Variants in P3H2 observed in about 807,000 individuals in gnomAD.
P3H2 encodes the protein prolyl 3-hydroxylase 2.
In P3H2, 80 loss-of-function variants were observed where a neutral mutation model predicts 87.0. The ratio of observed to expected loss-of-function variants is 0.92; its 90% CI spans 0.77 to 1.11. The LOEUF (loss-of-function observed/expected upper bound fraction) is 1.11. P3H2 is among the 50% of genes least tolerant of loss of function. The pLI, the probability that P3H2 is intolerant of heterozygous loss-of-function variation, is 0.00. For synonymous variants in P3H2, 367 were observed against 359.3 expected, an observed-to-expected ratio of 1.02 and a Z score of -0.24; for missense variants, 1,001 against 923.9, an observed-to-expected ratio of 1.08 and a Z score of -1.08.
Position 189,957,700 on chromosome 3 carries a change from A to AGAGAGAGAG in P3H2, c.*211_*212insCTCTCTCTC. On this transcript the variant is annotated 3_prime_UTR_variant, in exon 15 of 15. Transcript: ENST00000319332. ...AACATGGTTAGACCATGTCTCTAAG[A>AGAGAGAGAG]AGAGAGAGAGAGAGAGAGAGAGAGA... The AGAGAGAGAG allele has an allele frequency of 3.7e-6, 2 of 542,194 alleles. No homozygotes were observed. Among genetic ancestry groups the AGAGAGAGAG allele is most frequent in the Non-Finnish European group, 6.6e-6 (2 of 305,306 alleles). The allele number at this position is 542,194 out of a possible 1,614,324, so 33.6% of individuals were successfully genotyped here.
chr3:189,957,474 T>G lies in P3H2; in HGVS notation c.*438A>C. The stretch of plus-strand genomic sequence containing the variant: ...GTGTGTGTGTGTGTGTGTGTGTGTG[T>G]GTGTGTTTGGGGGAGGAGGTGAACT... On this transcript the variant is annotated 3_prime_UTR_variant, in exon 15 of 15. Transcript: ENST00000319332. The G allele has an allele frequency of 9.6e-6, 3 of 312,988 alleles. No individual in the cohort carries two copies. The highest frequency in any genetic ancestry group is 5.2e-5 in the East Asian group (1 of 19,364). The allele number at this position is 312,988 out of a possible 1,614,324, so 19.4% of individuals were successfully genotyped here.
chr3:190,003,600 G>C (rs1235553715), intron 1 of P3H2, among the ~76,000 whole-genome samples: 3 of 152,142 alleles, frequency 2.0e-5, no homozygotes, highest in Non-Finnish European at 4.4e-5. Flanking sequence ...TTCCTACCAA[G>C]GGAACAGCCA....
intron 1 of P3H2, among the ~76,000 whole-genome samples, chr3:190,044,519 T>G (rs1311175963): frequency 6.6e-6 from 1 of 152,330 alleles, no homozygotes; most frequent in South Asian, 2.1e-4. Context: ...CATTGATATA[T>G]GCTGTTCCAC....
intron 1 of P3H2, among the ~76,000 whole-genome samples, chr3:190,023,266 G>A (rs1222268848): frequency 6.6e-6 from 1 of 152,206 alleles, no homozygotes. Context: ...TTTGGGAATG[G>A]AGGTAAAGTA....
intron 14 of P3H2, among the ~76,000 whole-genome samples, chr3:189,961,676 T>C (rs767703269): frequency 2.6e-5 from 4 of 152,192 alleles, no homozygotes; most frequent in African/African-American, 4.8e-5. Context: ...ATTCACAGCC[T>C]GGGCTAATTT....
At chr3:190,108,932 C>T (rs1190755605) in intron 1 of P3H2, among the ~76,000 whole-genome samples, 1 of 152,182 alleles carries the variant, frequency 6.6e-6, no homozygotes, top group African/African-American at 2.4e-5. Flanking sequence ...GAATTACTTC[C>T]TTCTCTTTCC....
upstream of P3H2, among the ~76,000 whole-genome samples, chr3:190,121,986 G>A (rs992099637): frequency 6.6e-6 from 1 of 151,428 alleles, no homozygotes; most frequent in Non-Finnish European, 1.5e-5. Context: ...CAGCTACTCA[G>A]GAGGCTGAGG....
intron 1 of P3H2, among the ~76,000 whole-genome samples, chr3:190,015,962 G>A (rs987529044): frequency 2.0e-5 from 3 of 152,142 alleles, no homozygotes; most frequent in African/African-American, 7.2e-5. Flanking sequence ...TATCTGCGTT[G>A]GAGGGTGGGG....
chr3:190,120,507 C>T lies in P3H2; in HGVS notation c.225G>A (p.Arg75=), dbSNP rs1346787418. The part of the protein sequence containing the change: ...RDLEAALRSH[R]RLREIRTRCA... ...AGCGCGTGCGGATTTCCCGCAGGCG[C>T]CGGTGGCTGCGCAGCGCCGCTTCCA... The change falls in exon 1 of 15, where the codon CGG becomes CGA. Residue 75 remains arginine, a synonymous_variant. Transcript: ENST00000319332. 2 of 1,470,146 alleles carry T rather than the reference C, an allele frequency of 1.4e-6. No individual in the cohort carries two copies. Among genetic ancestry groups the T allele is most frequent in the Admixed American group, 2.4e-5 (1 of 41,646 alleles). 91.1% of individuals were successfully genotyped at this position (1,470,146 alleles called of 1,614,324 possible).
intron 1 of P3H2, among the ~76,000 whole-genome samples, chr3:190,102,272 A>G (rs548997153): frequency 6.6e-6 from 1 of 152,348 alleles, no homozygotes; most frequent in South Asian, 2.1e-4. Flanking sequence ...TTGTAAGGTT[A>G]TGACTGCCAT....
chr3:190,067,129 G>A (rs1323462562), intron 1 of P3H2, among the ~76,000 whole-genome samples: 1 of 151,420 alleles, frequency 6.6e-6, no homozygotes, highest in Non-Finnish European at 1.5e-5. Flanking sequence ...ACAGGTGTGA[G>A]CCACCACACC....
intron 1 of P3H2, among the ~76,000 whole-genome samples, chr3:190,092,984 C>T (rs1034533070): frequency 1.3e-5 from 2 of 152,160 alleles, no homozygotes; most frequent in African/African-American, 2.4e-5. Context: ...GTGTCTCATA[C>T]ATGTGATCTC....
rs1394105769 is a variant in P3H2, at chr3:190,095,759, C to T, written c.480+24493G>A. 3.9e-5 allele frequency among the ~76,000 whole-genome samples: 6 copies of T among 151,956 alleles called. No individual in the cohort carries two copies. In the East Asian group the frequency reaches 1.2e-3, roughly 30 times the overall value. ...GGGACTACAGGCGCCCGCCACCACG[C>T]CTGGCTAATTATTTTTGTATTTTTG... On this transcript the variant is annotated intron_variant, in intron 1 of 14. Coordinates refer to ENST00000319332, the MANE Select transcript of P3H2 (RefSeq NM_018192.4).
At chr3:190,025,972 C>T (rs773638284) in intron 1 of P3H2, among the ~76,000 whole-genome samples, 59 of 151,968 alleles carry the variant, frequency 3.9e-4, no homozygotes, top group Admixed American at 5.9e-4. Flanking sequence ...AGGGAAAGTA[C>T]CTTTTAGAGT....
chr3:189,961,449 C>T (rs901202764), intron 14 of P3H2, among the ~76,000 whole-genome samples: 6 of 152,084 alleles, frequency 3.9e-5, no homozygotes, highest in Admixed American at 2.0e-4. Flanking sequence ...TAAAGTAATT[C>T]ATAATAAGCA....
intron 1 of P3H2, among the ~76,000 whole-genome samples, chr3:190,076,390 G>A (rs776435487): frequency 3.3e-5 from 5 of 152,142 alleles, no homozygotes; most frequent in Non-Finnish European, 7.3e-5. Context: ...CTGGCTCTAG[G>A]AAATGGAACA....
chr3:190,038,353 C>T (rs1190315269), intron 1 of P3H2, among the ~76,000 whole-genome samples: 1 of 151,670 alleles, frequency 6.6e-6, no homozygotes, highest in Non-Finnish European at 1.5e-5. Flanking sequence ...ACTAGAAGTG[C>T]TGTGGCCTCT....
intron 1 of P3H2, among the ~76,000 whole-genome samples, chr3:190,073,065 G>A (rs1400240707): frequency 6.6e-6 from 1 of 152,198 alleles, no homozygotes; most frequent in Admixed American, 6.5e-5. Flanking sequence ...TGGTATAAAA[G>A]AGGTAATAGA....
intron 1 of P3H2, among the ~76,000 whole-genome samples, chr3:190,051,442 GC>G (rs1725980131): frequency 1.3e-5 from 2 of 152,168 alleles, no homozygotes; most frequent in Admixed American, 6.6e-5. Flanking sequence ...CATACTAGAG[GC>G]CATAGTTGAA....
Sources: gnomAD v4.1 joint callset for allele counts (sites outside exome capture counted in the v4.1 genomes callset) on GRCh38, gnomAD v4.1.1 for gene constraint, MANE v1.5 for transcripts, NCBI Gene and HGNC (gene_info 2026-07-23, HGNC 2026-07-21) for gene names.